IER3IP1: variants seen among roughly 807,000 people sequenced by gnomAD.
IER3IP1 encodes immediate early response 3-interacting protein 1.
Under a neutral mutation model 12.2 loss-of-function variants are expected in IER3IP1, and 16 were observed. That is an observed-to-expected ratio of 1.31 (90% CI 0.89 to 1.99). The LOEUF (loss-of-function observed/expected upper bound fraction) is 1.99. Ranked by LOEUF, IER3IP1 falls within the 30% of genes most tolerant of loss-of-function variation. IER3IP1 has a pLI of 0.00. For missense variants in IER3IP1, 95 were observed against 95.8 expected (o/e 0.99, Z 0.03); for synonymous variants, 42 against 40.0 (o/e 1.05, Z -0.19).
At chr18:47,173,182 T>C (rs1330781055) in intron 1 of IER3IP1, among the ~76,000 whole-genome samples, 1 of 152,194 alleles carries the variant, frequency 6.6e-6, no homozygotes, top group Non-Finnish European at 1.5e-5. Context: ...TTTCATTATA[T>C]CTTCACCTTC....
chr18:47,171,287 G>A (rs1437352196), intron 1 of IER3IP1, among the ~76,000 whole-genome samples: 10 of 152,124 alleles, frequency 6.6e-5, no homozygotes, highest in Admixed American at 5.9e-4. Flanking sequence ...GTATTTCGTT[G>A]AGAATTTTTG....
chr18:47,162,244 C>T (rs1259171261), intron 1 of IER3IP1, among the ~76,000 whole-genome samples: 1 of 152,146 alleles, frequency 6.6e-6, no homozygotes, highest in East Asian at 1.9e-4. Flanking sequence ...ATTTGGGGGC[C>T]TCACCTCAAT....
intron 1 of IER3IP1, among the ~76,000 whole-genome samples, chr18:47,169,806 TTTATTA>T (rs1299216200): frequency 9.2e-5 from 14 of 152,240 alleles, no homozygotes; most frequent in South Asian, 6.2e-4. Flanking sequence ...TTATTTATCT[TTTATTA>T]TTTAGTTCAA....
In IER3IP1 at chr18:47,156,122, G is replaced by T; in HGVS notation, c.*55C>A. ...TATAAATATTCCAATAATGACCAAA[G>T]TAATAACTTCTACTGGCATGTCCTC... On this transcript the variant is annotated 3_prime_UTR_variant, in exon 3 of 3. Coordinates refer to ENST00000256433, the MANE Select transcript of IER3IP1 (RefSeq NM_016097.5). 1 of 1,077,840 alleles carries T rather than the reference G, an allele frequency of 9.3e-7. No homozygotes were observed. Among genetic ancestry groups the T allele is most frequent in the Non-Finnish European group, 1.4e-6 (1 of 694,980 alleles). 66.8% of individuals were successfully genotyped at this position (1,077,840 alleles called of 1,614,324 possible). A position where few individuals can be genotyped will look rare whatever the true frequency, so the allele number is the denominator to read the frequency against.
intron 1 of IER3IP1, among the ~76,000 whole-genome samples, chr18:47,166,502 A>C (rs998551299): frequency 4.6e-5 from 7 of 152,170 alleles, no homozygotes; most frequent in Admixed American, 1.3e-4. Context: ...CAGTGGTAAA[A>C]ATGGTACACA....
intron 1 of IER3IP1, among the ~76,000 whole-genome samples, chr18:47,160,797 G>C (rs1426618316): frequency 1.3e-5 from 2 of 152,124 alleles, no homozygotes; most frequent in African/African-American, 2.4e-5. Flanking sequence ...ACATGCTCTA[G>C]CCTGCCAGGA....
rs1430333757 is a variant in IER3IP1 at position 47,156,061 on chromosome 18, T to C, written c.*116A>G. The C allele has an allele frequency of 1.4e-6, 1 of 712,780 alleles. No homozygotes were observed. Among genetic ancestry groups the C allele is most frequent in the Non-Finnish European group, 2.5e-6 (1 of 401,868 alleles). The allele number at this position is 712,780 out of a possible 1,614,324, so 44.2% of individuals were successfully genotyped here. A position where few individuals can be genotyped will look rare whatever the true frequency, so the allele number is the denominator to read the frequency against. ...GAAACCCTGGTTTTATTTTCAGCTT[T>C]ACATTTTTGACAAGTGCAAGGTCAG... On this transcript the variant is annotated 3_prime_UTR_variant, in exon 3 of 3. Coordinates refer to ENST00000256433, the MANE Select transcript of IER3IP1 (RefSeq NM_016097.5).
At chr18:47,173,651 T>C (rs936035814) in intron 1 of IER3IP1, among the ~76,000 whole-genome samples, 2 of 152,176 alleles carry the variant, frequency 1.3e-5, no homozygotes, top group African/African-American at 4.8e-5. Context: ...TTTTAAAATA[T>C]CTTTTGATCC....
chr18:47,166,888 A>G (rs1480295624), intron 1 of IER3IP1, among the ~76,000 whole-genome samples: 1 of 152,146 alleles, frequency 6.6e-6, no homozygotes, highest in Non-Finnish European at 1.5e-5. Flanking sequence ...TTATCCACTT[A>G]GACAAGCCAA....
At position 47,156,145 on chromosome 18, in the gene IER3IP1, C is replaced by T; in HGVS notation, c.*32G>A. 3 of 1,325,416 alleles carry T rather than the reference C, an allele frequency of 2.3e-6. No individual in the cohort carries two copies. Among genetic ancestry groups the T allele is most frequent in the Non-Finnish European group, 3.3e-6 (3 of 917,514 alleles). The allele number at this position is 1,325,416 out of a possible 1,614,324, so 82.1% of individuals were successfully genotyped here. ...AAGTAATAACTTCTACTGGCATGTC[C>T]TCTTCTGAGTCTCCATTTTCTCCAC... On this transcript the variant is annotated 3_prime_UTR_variant, in exon 3 of 3. Coordinates refer to ENST00000256433, the MANE Select transcript of IER3IP1 (RefSeq NM_016097.5).
Position 47,163,060 on chromosome 18 carries a change from A to G in IER3IP1, c.92-5523T>C, listed in dbSNP as rs531728795. Among the ~76,000 whole-genome samples the G allele has an allele frequency of 5.3e-5, 8 of 152,258 alleles. No homozygotes were observed. The South Asian group carries it at 1.7e-3, about 32-fold the overall frequency. On this transcript the variant is annotated intron_variant, in intron 1 of 2. Coordinates refer to ENST00000256433, the MANE Select transcript of IER3IP1 (RefSeq NM_016097.5). ...CTCCAAGATCCCCAGGGGATGCCTGAAACCATAGATAGTACCAAACCCTAT... is the reference window on the plus strand; with the variant it reads ...CTCCAAGATCCCCAGGGGATGCCTGGAACCATAGATAGTACCAAACCCTAT...
rs564925398 is a variant in IER3IP1, at chr18:47,175,796, C to T, written c.91+391G>A. ...AACTCTTAGCCCGAAACTCAGACCCCGGGTTTTCGACTATTAAAAGTAGTC... is the reference window on the plus strand; with the variant it reads ...AACTCTTAGCCCGAAACTCAGACCCTGGGTTTTCGACTATTAAAAGTAGTC... On this transcript the variant is annotated intron_variant, in intron 1 of 2. Transcript: ENST00000256433. 3.9e-5 allele frequency among the ~76,000 whole-genome samples: 6 copies of T among 151,938 alleles called. No homozygotes were observed. In the South Asian group the frequency reaches 6.3e-4, roughly 16 times the overall value.
At chr18:47,163,568 T>A (rs576004281) in intron 1 of IER3IP1, among the ~76,000 whole-genome samples, 2 of 152,326 alleles carry the variant, frequency 1.3e-5, no homozygotes, top group South Asian at 4.1e-4. Flanking sequence ...ACTAGTATAC[T>A]TGTGCTCGCT....
In IER3IP1 at chr18:47,176,088, C is replaced by T. The variant is rs1012276248; in HGVS notation, c.91+99G>A. The T allele has an allele frequency of 9.2e-6, 9 of 979,290 alleles. No homozygotes were observed. In the Admixed American group the frequency reaches 1.4e-4, roughly 15 times the overall value. The allele number at this position is 979,290 out of a possible 1,614,324, so 60.7% of individuals were successfully genotyped here. On this transcript the variant is annotated intron_variant, in intron 1 of 2. Transcript: ENST00000256433. Reference sequence around the variant, plus strand: ...CCAAGCCGAGCCTTCCGCTGTTCTTCTGTCCCGGCCCTTGGTGTCCCCTCA... The same window carrying T: ...CCAAGCCGAGCCTTCCGCTGTTCTTTTGTCCCGGCCCTTGGTGTCCCCTCA...
chr18:47,176,178 C>G lies in IER3IP1; in HGVS notation c.91+9G>C. ...GCCGCCCCAGCCCGCGCCCCGCGGT[C>G]CCACTCACTGTTCTTGAGGAATCGC... On this transcript the variant is annotated intron_variant, in intron 1 of 2. Coordinates refer to ENST00000256433, the MANE Select transcript of IER3IP1 (RefSeq NM_016097.5). The G allele has an allele frequency of 6.3e-7, 1 of 1,586,048 alleles. No homozygotes were observed. The highest frequency in any genetic ancestry group is 1.8e-5 in the Admixed American group (1 of 56,574).
At chr18:47,171,370 G>A (rs2064014845) in intron 1 of IER3IP1, among the ~76,000 whole-genome samples, 1 of 152,116 alleles carries the variant, frequency 6.6e-6, no homozygotes, top group African/African-American at 2.4e-5. Context: ...TTCATATTAG[G>A]TTAATACTGA....
chr18:47,158,971 T>C (rs931256568), intron 1 of IER3IP1, among the ~76,000 whole-genome samples: 1 of 151,982 alleles, frequency 6.6e-6, no homozygotes, highest in African/African-American at 2.4e-5. Context: ...ATTAAAAATT[T>C]TTTTTAAAGA....
Position 47,155,542 on chromosome 18 carries a change from C to T in IER3IP1, c.*635G>A, listed in dbSNP as rs2063955523. The T allele has an allele frequency of 6.6e-6, 1 of 152,048 alleles. No individual in the cohort carries two copies. Among genetic ancestry groups the T allele is most frequent in the Admixed American group, 6.6e-5 (1 of 15,266 alleles). The allele number at this position is 152,048 out of a possible 1,614,324, so 9.4% of individuals were successfully genotyped here. ...TCATTCAGGCAAATTAATAAAATAACAAGTGCATGGAAAGAATGTTAAACA... is the reference window on the plus strand; with the variant it reads ...TCATTCAGGCAAATTAATAAAATAATAAGTGCATGGAAAGAATGTTAAACA... On this transcript the variant is annotated 3_prime_UTR_variant, in exon 3 of 3. Coordinates refer to ENST00000256433, the MANE Select transcript of IER3IP1 (RefSeq NM_016097.5).
At chr18:47,160,697 T>C (rs2063977336) in intron 1 of IER3IP1, among the ~76,000 whole-genome samples, 1 of 152,218 alleles carries the variant, frequency 6.6e-6, no homozygotes, top group African/African-American at 2.4e-5. Context: ...AGGATTTTAA[T>C]CTTTTGGGGT....
Sources: gnomAD v4.1 joint callset for allele counts (sites outside exome capture counted in the v4.1 genomes callset) on GRCh38, gnomAD v4.1.1 for gene constraint, MANE v1.5 for transcripts, NCBI Gene and HGNC (gene_info 2026-07-23, HGNC 2026-07-21) for gene names.